MYO18B: variants seen among roughly 807,000 people sequenced by gnomAD.
MYO18B encodes the protein unconventional myosin-XVIIIb.
Under a neutral mutation model 273.0 loss-of-function variants are expected in MYO18B, and 204 were observed. The ratio of observed to expected loss-of-function variants is 0.75; its 90% CI spans 0.67 to 0.84. The LOEUF (loss-of-function observed/expected upper bound fraction) is 0.84. Ranked by LOEUF, MYO18B falls within the 40% of genes least tolerant of loss-of-function variation. MYO18B has a pLI of 0.00. For synonymous variants in MYO18B, 1,330 were observed against 1,305.7 expected, an observed-to-expected ratio of 1.02 and a Z score of -0.40; for missense variants, 3,212 against 3,287.6, an observed-to-expected ratio of 0.98 and a Z score of 0.56.
At chr22:25,800,245 AG>A (rs1049501702) in intron 12 of MYO18B, among the ~76,000 whole-genome samples, 2 of 152,098 alleles carry the variant, frequency 1.3e-5, no homozygotes, top group African/African-American at 4.8e-5. Flanking sequence ...GTACACCGCT[AG>A]GGGGGTTGGG....
intron 1 of MYO18B, among the ~76,000 whole-genome samples, chr22:25,743,812 C>T (rs1005573049): frequency 2.0e-5 from 3 of 152,178 alleles, no homozygotes; most frequent in Non-Finnish European, 4.4e-5. Context: ...GGGGGTTGGG[C>T]TAGACCACCT....
intron 42 of MYO18B, among the ~76,000 whole-genome samples, chr22:26,005,878 T>A (rs1934376703): frequency 6.6e-6 from 1 of 152,178 alleles, no homozygotes; most frequent in Non-Finnish European, 1.5e-5. Context: ...CTGCAGATAA[T>A]CTTAGGCTGA....
chr22:25,850,074 G>A (rs1253641050), intron 20 of MYO18B, among the ~76,000 whole-genome samples: 1 of 152,146 alleles, frequency 6.6e-6, no homozygotes, highest in African/African-American at 2.4e-5. Flanking sequence ...CCCCATCTCT[G>A]TGCTGTCTGC....
chr22:25,805,999 T>C (rs931313320), intron 12 of MYO18B, among the ~76,000 whole-genome samples: 1 of 152,214 alleles, frequency 6.6e-6, no homozygotes, highest in Admixed American at 6.5e-5. Context: ...TGGATTAATG[T>C]CTGTCTCCCA....
intron 17 of MYO18B, among the ~76,000 whole-genome samples, chr22:25,839,240 G>A (rs1220937722): frequency 2.0e-5 from 3 of 151,874 alleles, no homozygotes; most frequent in Admixed American, 1.3e-4. Context: ...ATGTATGAGT[G>A]TGTTTGTATA....
Position 25,835,373 on chromosome 22 carries a change from G to A in MYO18B, c.3138G>A (p.Glu1046=), listed in dbSNP as rs774972726. The change falls in exon 17 of 44, where the codon GAG becomes GAA. Residue 1046 remains glutamate (E), a synonymous_variant. Coordinates refer to ENST00000335473, the MANE Select transcript of MYO18B (RefSeq NM_032608.7). ...FWVLDEEVHV[E]GSSDSVVLER... ...TCTTAGATGAGGAAGTCCATGTAGAGGGCTCCAGTGACAGTGTGGTGCTCG... is the reference window on the plus strand; with the variant it reads ...TCTTAGATGAGGAAGTCCATGTAGAAGGCTCCAGTGACAGTGTGGTGCTCG... The A allele has an allele frequency of 5.6e-6, 9 of 1,613,856 alleles. No individual in the cohort carries two copies. In the East Asian group the frequency reaches 1.8e-4, roughly 32 times the overall value.
chr22:25,875,135 C>T (rs1488612744), intron 23 of MYO18B, among the ~76,000 whole-genome samples: 1 of 152,142 alleles, frequency 6.6e-6, no homozygotes, highest in Non-Finnish European at 1.5e-5. Flanking sequence ...GAATAATGAA[C>T]ATATTGTGGG....
At chr22:25,786,080 T>C (rs2087374507) in intron 11 of MYO18B, among the ~76,000 whole-genome samples, 1 of 152,226 alleles carries the variant, frequency 6.6e-6, no homozygotes, top group Admixed American at 6.5e-5. Flanking sequence ...ATTTTATTAT[T>C]CAATTATTTT....
chr22:26,021,346 A>G (rs1430681590), intron 42 of MYO18B, among the ~76,000 whole-genome samples: 2 of 152,148 alleles, frequency 1.3e-5, no homozygotes, highest in Non-Finnish European at 2.9e-5. Context: ...ATTTATTGGA[A>G]CCTAGTATGT....
chr22:25,893,752 C>CATCCATCT, intron 27 of MYO18B, among the ~76,000 whole-genome samples: 1 of 151,936 alleles, frequency 6.6e-6, no homozygotes, highest in Admixed American at 6.6e-5. Flanking sequence ...TCCTACCATC[C>CATCCATCT]ATCCATCTAT....
intron 40 of MYO18B, among the ~76,000 whole-genome samples, chr22:25,998,351 G>A (rs573201169): frequency 1.3e-5 from 2 of 152,280 alleles, no homozygotes; most frequent in East Asian, 3.9e-4. Flanking sequence ...TGCTCTGTCT[G>A]TCACCTTGGC....
Position 25,787,909 on chromosome 22 carries a change from T to C in MYO18B, c.2376+2418T>C, listed in dbSNP as rs77926579. Among the ~76,000 whole-genome samples, 527 of 152,170 alleles carry C rather than the reference T, an allele frequency of 3.5e-3. 3 individuals are homozygous for C. Among genetic ancestry groups the C allele is most frequent in the African/African-American group, 0.012 (497 of 41,514 alleles). On this transcript the variant is annotated intron_variant, in intron 11 of 43. Transcript: ENST00000335473. The stretch of plus-strand genomic sequence containing the variant: ...ATTTAATGAGCTTTGGCCCAAAATA[T>C]CCGTATGAATCAGCAGAAGAGTAGT...
intron 11 of MYO18B, among the ~76,000 whole-genome samples, chr22:25,791,003 C>T (rs898557982): frequency 2.6e-5 from 4 of 152,132 alleles, no homozygotes; most frequent in African/African-American, 7.2e-5. Context: ...TGGGGATGGT[C>T]GCTAGAAGCT....
At chr22:26,015,582 T>A (rs183476526) in intron 42 of MYO18B, among the ~76,000 whole-genome samples, 1 of 152,094 alleles carries the variant, frequency 6.6e-6, no homozygotes, top group African/African-American at 2.4e-5. Context: ...ATCTCACTTA[T>A]AAGTGGGAGC....
rs779598809 is a variant in MYO18B at position 25,768,934 on chromosome 22, G to A, written c.1018G>A (p.Val340Met). The A allele has an allele frequency of 6.2e-7, 1 of 1,612,296 alleles. No homozygotes were observed. Among genetic ancestry groups the A allele is most frequent in the Non-Finnish European group, 8.5e-7 (1 of 1,179,198 alleles). The part of the protein sequence containing the change: ...GPQNKKDKEG[V>M]LLSKAEKTGE... ...CCAGAATAAGAAGGACAAAGAAGGG[G>A]TGCTCTTAAGTAAGGCAGAGAAGAC... The change falls in exon 4 of 44, where the codon GTG becomes ATG. Residue 340 changes from valine to methionine, a missense_variant. By Grantham distance (21) the Val-to-Met change is conservative. Transcript: ENST00000335473.
intron 39 of MYO18B, among the ~76,000 whole-genome samples, chr22:25,974,344 A>G (rs1420862517): frequency 4.6e-5 from 7 of 152,210 alleles, no homozygotes; most frequent in Admixed American, 1.3e-4. Flanking sequence ...AAATTGAACC[A>G]TATGAATTTG....
At chr22:25,841,950 G>A (rs577660032) in intron 17 of MYO18B, among the ~76,000 whole-genome samples, 2 of 152,356 alleles carry the variant, frequency 1.3e-5, no homozygotes, top group South Asian at 4.1e-4. Context: ...ATTGGAAGGG[G>A]ACTTTCTTGA....
At chr22:26,004,663 A>G (rs1258770163) in intron 41 of MYO18B, 55 bp from the exon 42 acceptor site, 7 of 1,598,936 alleles carry the variant, frequency 4.4e-6, no homozygotes, top group Non-Finnish European at 6.0e-6. Context: ...ATATCTAATT[A>G]TTGCTGTTAC....
chr22:25,938,289 A>G, intron 34 of MYO18B, among the ~76,000 whole-genome samples: 1 of 152,210 alleles, frequency 6.6e-6, no homozygotes, highest in Non-Finnish European at 1.5e-5. Context: ...CTTCGCATAG[A>G]GAAGTAATGC....
Sources: gnomAD v4.1 joint callset for allele counts (sites outside exome capture counted in the v4.1 genomes callset) on GRCh38, gnomAD v4.1.1 for gene constraint, MANE v1.5 for transcripts, NCBI Gene and HGNC (gene_info 2026-07-23, HGNC 2026-07-21) for gene names.